The following AREL1 variants were observed in gnomAD, a reference collection of about 807,000 sequenced individuals.
AREL1 encodes the protein apoptosis-resistant E3 ubiquitin protein ligase 1.
In AREL1, 62 loss-of-function variants were observed where a neutral mutation model predicts 99.0. That is an observed-to-expected ratio of 0.63 (90% CI 0.51 to 0.77). The LOEUF is 0.77. AREL1 is among the 30% of genes least tolerant of loss of function. The pLI is 0.00. For synonymous variants in AREL1, 380 were observed against 376.5 expected (o/e 1.01, Z -0.11); for missense variants, 879 against 1,027.6 (o/e 0.86, Z 1.98).
Position 74,684,527 on chromosome 14 carries a change from G to A in AREL1, c.170C>T (p.Pro57Leu), listed in dbSNP as rs2089704691. Residue 57 changes from proline (P) to leucine (L), a missense_variant, in exon 4 of 20, where the codon CCC becomes CTC. Pro to Leu is a moderately conservative substitution (Grantham distance 98). Coordinates refer to ENST00000356357, the MANE Select transcript of AREL1 (RefSeq NM_001039479.2). ...ATCCCAGGAGACTTTGCAAGACCGGGGATCCAGGTAATTTCCCCGCACGTA... is the reference window on the plus strand; with the variant it reads ...ATCCCAGGAGACTTTGCAAGACCGGAGATCCAGGTAATTTCCCCGCACGTA... ...YDYVRGNYLDPRSCKVSWDWK... is the reference protein window; with the variant it reads ...YDYVRGNYLDLRSCKVSWDWK... The A allele has an allele frequency of 1.2e-6, 2 of 1,614,150 alleles. No individual in the cohort carries two copies. The highest frequency in any genetic ancestry group is 3.3e-5 in the Admixed American group (2 of 60,016).
chr14:74,678,080 A>C (rs896641437), intron 5 of AREL1: 2 of 393,698 alleles, frequency 5.1e-6, no homozygotes, highest in African/African-American at 4.2e-5. Flanking sequence ...GATTATTTAT[A>C]GATTTAGTTA....
chr14:74,674,987 T>TA (rs898711679), intron 8 of AREL1, among the ~76,000 whole-genome samples: 12 of 152,168 alleles, frequency 7.9e-5, no homozygotes, highest in Admixed American at 6.6e-5. Flanking sequence ...TTTTTAATCT[T>TA]AAAAAATCCC....
At chr14:74,671,344 T>G (rs979212997) in intron 12 of AREL1, 64 bp downstream of exon 12, 8 of 435,400 alleles carry the variant, frequency 1.8e-5, no homozygotes, top group Non-Finnish European at 2.7e-5. Context: ...TTTTTTTTTT[T>G]TGTGGAGAAG....
chr14:74,675,431 C>T (rs1451016452), intron 8 of AREL1, among the ~76,000 whole-genome samples: 1 of 152,214 alleles, frequency 6.6e-6, no homozygotes, highest in African/African-American at 2.4e-5. Flanking sequence ...TTTCTTTACT[C>T]CAATCCTGTA....
chr14:74,663,469 T>C lies in AREL1; in HGVS notation c.*251A>G, dbSNP rs1337846061. 1 of 510,012 alleles carries C rather than the reference T, an allele frequency of 2.0e-6. No individual in the cohort carries two copies. Among genetic ancestry groups the C allele is most frequent in the African/African-American group, 1.9e-5 (1 of 51,804 alleles). The allele number at this position is 510,012 out of a possible 1,614,324, so 31.6% of individuals were successfully genotyped here. ...AAGGACCAAATAAATGATAGCAGCA[T>C]GGTCCTCTTCTCATGACAGAATGAA... On this transcript the variant is annotated 3_prime_UTR_variant, in exon 20 of 20. Coordinates refer to ENST00000356357, the MANE Select transcript of AREL1 (RefSeq NM_001039479.2).
chr14:74,699,124 CAAGT>C (rs2090031322), intron 1 of AREL1, among the ~76,000 whole-genome samples: 1 of 152,134 alleles, frequency 6.6e-6, no homozygotes, highest in South Asian at 2.1e-4. Context: ...TGATCTTAAA[CAAGT>C]TACAGCAGGT....
chr14:74,671,566 A>T (rs2089346439), intron 11 of AREL1, 83 bp from the exon 12 acceptor site: 1 of 892,474 alleles, frequency 1.1e-6, no homozygotes, highest in South Asian at 1.7e-5. Flanking sequence ...GAGCACTGCC[A>T]TTGTCTGCTG....
intron 1 of AREL1, among the ~76,000 whole-genome samples, chr14:74,711,740 G>A (rs2090295066): frequency 6.6e-6 from 1 of 151,904 alleles, no homozygotes; most frequent in South Asian, 2.1e-4. Flanking sequence ...GTGCTACTAT[G>A]ATTATCTCCA....
chr14:74,667,634 G>T (rs2089238833), intron 15 of AREL1, 40 bp from the exon 16 acceptor site: 2 of 1,555,314 alleles, frequency 1.3e-6, no homozygotes, highest in Non-Finnish European at 1.7e-6. Context: ...GAGAGGCTGT[G>T]GATGGAAATT....
intron 15 of AREL1, among the ~76,000 whole-genome samples, chr14:74,668,093 T>A (rs1446196956): frequency 3.3e-5 from 5 of 152,250 alleles, no homozygotes; most frequent in Admixed American, 3.3e-4. Flanking sequence ...AGATCCTGGA[T>A]TCTAATCTCA....
intron 11 of AREL1, 36 bp downstream of exon 11, chr14:74,672,794 CT>C: frequency 6.2e-7 from 1 of 1,612,402 alleles, no homozygotes; most frequent in Non-Finnish European, 8.5e-7. Flanking sequence ...AATTGGAAAA[CT>C]TTGGTATCTG....
rs2090346892 is a variant in AREL1, at chr14:74,713,020, T to C, written c.-421A>G. On this transcript the variant is annotated 5_prime_UTR_variant, in exon 1 of 20. Transcript: ENST00000356357. ...ACTCAGCAGAAGACGGGCTCCCCAC[T>C]CTCCCACCAACAGACCCCAGAGTTG... 9.6e-7 allele frequency: 1 copy of C among 1,043,252 alleles called. No individual in the cohort carries two copies. 64.6% of individuals were successfully genotyped at this position (1,043,252 alleles called of 1,614,324 possible).
intron 17 of AREL1, among the ~76,000 whole-genome samples, chr14:74,667,101 C>A (rs140256693): frequency 1.3e-5 from 2 of 152,218 alleles, no homozygotes; most frequent in South Asian, 4.2e-4. Flanking sequence ...ATTTATTTAT[C>A]CCTTAAGCTA....
chr14:74,705,451 C>T (rs948184497), intron 1 of AREL1, among the ~76,000 whole-genome samples: 6 of 152,188 alleles, frequency 3.9e-5, no homozygotes, highest in African/African-American at 1.4e-4. Flanking sequence ...TAGTCCCTCA[C>T]TTCTCTCCAA....
chr14:74,705,468 A>C (rs925519461), intron 1 of AREL1, among the ~76,000 whole-genome samples: 1 of 152,198 alleles, frequency 6.6e-6, no homozygotes, highest in Admixed American at 6.5e-5. Flanking sequence ...CCAAATCCAC[A>C]TAAGACCTCT....
intron 12 of AREL1, 50 bp from the exon 13 acceptor site, chr14:74,670,921 C>T: frequency 6.8e-7 from 1 of 1,479,954 alleles, no homozygotes; most frequent in Non-Finnish European, 9.4e-7. Context: ...CCTCCTCTTA[C>T]CACTTTTGTT....
In AREL1 at chr14:74,663,132, T is replaced by C. The variant is rs1363726257; in HGVS notation, c.*588A>G. 1 of 155,284 alleles carries C rather than the reference T, an allele frequency of 6.4e-6. No homozygotes were observed. The highest frequency in any genetic ancestry group is 2.4e-5 in the African/African-American group (1 of 41,518). 9.6% of individuals were successfully genotyped at this position (155,284 alleles called of 1,614,324 possible). On this transcript the variant is annotated 3_prime_UTR_variant, in exon 20 of 20. Coordinates refer to ENST00000356357, the MANE Select transcript of AREL1 (RefSeq NM_001039479.2). ...CCAGTTCTGACACCACAAAAAAATA[T>C]TCTTTTTAGCAGTCCTTAGAGGCAG... is the stretch of plus-strand genomic sequence containing the variant.
chr14:74,684,259 C>T (rs1172648493), intron 4 of AREL1, among the ~76,000 whole-genome samples, 195 bp downstream of exon 4: 1 of 152,132 alleles, frequency 6.6e-6, no homozygotes, highest in Admixed American at 6.5e-5. Context: ...AAGCTTTATA[C>T]TTCTTCAAAG....
At position 74,661,261 on chromosome 14, in the gene AREL1, T is replaced by G; in HGVS notation, c.*2459A>C. 1 of 456,006 alleles carries G rather than the reference T, an allele frequency of 2.2e-6. No individual in the cohort carries two copies. Among genetic ancestry groups the G allele is most frequent in the South Asian group, 1.6e-5 (1 of 64,452 alleles). 28.2% of individuals were successfully genotyped at this position (456,006 alleles called of 1,614,324 possible). A position where few individuals can be genotyped will look rare whatever the true frequency, so the allele number is the denominator to read the frequency against. On this transcript the variant is annotated 3_prime_UTR_variant, in exon 20 of 20. Transcript: ENST00000356357. ...AGCAGCCACTCACTCCTTAGTTCTT[T>G]TAAACATTTATTTATCTACTGTACA... is the stretch of plus-strand genomic sequence containing the variant.
Sources: allele counts gnomAD v4.1 joint callset (sites outside exome capture counted in the v4.1 genomes callset), GRCh38; gene constraint gnomAD v4.1.1; transcripts MANE v1.5; gene names NCBI Gene and HGNC (gene_info 2026-07-23, HGNC 2026-07-21).